The following KIAA0232 variants were observed in gnomAD, a reference collection of about 807,000 sequenced individuals.
KIAA0232 encodes the protein uncharacterized protein KIAA0232.
A neutral mutation model predicts 122.0 loss-of-function variants in KIAA0232; 27 were observed. The ratio of observed to expected loss-of-function variants is 0.22; its 90% CI spans 0.16 to 0.31. The LOEUF is 0.31. Ranked by LOEUF, KIAA0232 falls within the 10% of genes least tolerant of loss-of-function variation. The pLI, the probability that KIAA0232 is intolerant of heterozygous loss-of-function variation, is 1.00. For missense variants in KIAA0232, 1,551 were observed against 1,634.2 expected (o/e 0.95, Z 0.88); for synonymous variants, 613 against 587.6 (o/e 1.04, Z -0.63).
chr4:6,866,256 G>A (rs147258556), intron 7 of KIAA0232: 3 of 981,866 alleles, frequency 3.1e-6, no homozygotes, highest in African/African-American at 1.7e-5. Context: ...ATATTCCTTC[G>A]CTTTCTAGTA....
intron 2 of KIAA0232, among the ~76,000 whole-genome samples, chr4:6,816,288 G>GTTT (rs11389688): frequency 7.0e-6 from 1 of 142,622 alleles, no homozygotes; most frequent in Non-Finnish European, 1.5e-5. Flanking sequence ...TCTTTTTTTT[G>GTTT]TTTTTTTTTT....
chr4:6,841,885 T>C (rs1319232229), intron 3 of KIAA0232, among the ~76,000 whole-genome samples, 182 bp from the exon 4 acceptor site: 4 of 152,206 alleles, frequency 2.6e-5, no homozygotes, highest in Non-Finnish European at 4.4e-5. Flanking sequence ...CAAGTTGTTT[T>C]ATAGAATCAA....
intron 3 of KIAA0232, 96 bp from the exon 4 acceptor site, chr4:6,841,971 C>G: frequency 7.2e-7 from 1 of 1,384,146 alleles, no homozygotes; most frequent in Non-Finnish European, 9.9e-7. Flanking sequence ...TATGGAAATG[C>G]AAGGGGCCTT....
chr4:6,849,720 T>C (rs1720172195), intron 4 of KIAA0232, among the ~76,000 whole-genome samples: 1 of 150,126 alleles, frequency 6.7e-6, no homozygotes, highest in Non-Finnish European at 1.5e-5. Context: ...GGAGCCAAGA[T>C]CACGCCACTG....
In KIAA0232 at chr4:6,808,539, G is replaced by A. The variant is rs945252887; in HGVS notation, c.-270+3933G>A. Among the ~76,000 whole-genome samples, 6 of 150,566 alleles carry A rather than the reference G, an allele frequency of 4.0e-5. 1 individual carries two copies. The highest frequency in any genetic ancestry group is 4.3e-4 in the South Asian group (2 of 4,692). On this transcript the variant is annotated intron_variant, in intron 2 of 9. Transcript: ENST00000307659. ...GAGTACAAGTTGCTTTACATAAGGCGAAAGCCTGCTAATACAGGATGGTAA... is the reference window on the plus strand; with the variant it reads ...GAGTACAAGTTGCTTTACATAAGGCAAAAGCCTGCTAATACAGGATGGTAA...
intron 8 of KIAA0232, 110 bp from the exon 9 acceptor site, chr4:6,876,550 C>G (rs1264200478): frequency 2.6e-6 from 2 of 761,978 alleles, no homozygotes; most frequent in Non-Finnish European, 2.2e-6. Context: ...GGAGACCTAA[C>G]TGATGTAGCT....
chr4:6,847,781 CT>C (rs1486364846), intron 4 of KIAA0232, among the ~76,000 whole-genome samples: 1 of 151,758 alleles, frequency 6.6e-6, no homozygotes, highest in East Asian at 1.9e-4. Flanking sequence ...CCTAAGCTGT[CT>C]GTTTCATTCC....
At chr4:6,872,671 TC>T (rs1721554553) in intron 8 of KIAA0232, among the ~76,000 whole-genome samples, 1 of 152,190 alleles carries the variant, frequency 6.6e-6, no homozygotes, top group Non-Finnish European at 1.5e-5. Context: ...CCTGTCAGAG[TC>T]CCGAAGGGGT....
At chr4:6,812,094 G>C (rs1267534861) in intron 2 of KIAA0232, among the ~76,000 whole-genome samples, 2 of 152,166 alleles carry the variant, frequency 1.3e-5, no homozygotes, top group African/African-American at 4.8e-5. Context: ...CAGAGTAGCT[G>C]TGATTAGTAG....
chr4:6,851,056 A>T (rs1720256112), intron 4 of KIAA0232, among the ~76,000 whole-genome samples: 1 of 152,198 alleles, frequency 6.6e-6, no homozygotes, highest in Non-Finnish European at 1.5e-5. Context: ...CCTTGACTGA[A>T]GTCAGTGTTT....
Position 6,818,640 on chromosome 4 carries a change from C to T in KIAA0232, c.-269-5545C>T, listed in dbSNP as rs76839311. Among the ~76,000 whole-genome samples, 466 of 151,802 alleles carry T rather than the reference C, an allele frequency of 3.1e-3. 3 individuals are homozygous for T. The highest frequency in any genetic ancestry group is 0.011 in the African/African-American group (445 of 41,380). On this transcript the variant is annotated intron_variant, in intron 2 of 9. Transcript: ENST00000307659. ...AATTGATATCATTACAATGGCCATACAGCCCAAAGCAGTCTACATATTCAA... is the reference window on the plus strand; with the variant it reads ...AATTGATATCATTACAATGGCCATATAGCCCAAAGCAGTCTACATATTCAA...
In KIAA0232 at chr4:6,858,497, A is replaced by C; in HGVS notation, c.509A>C (p.Gln170Pro). ...EAELSPPAKDQVEMYYEAFPP... is the reference protein window; with the variant it reads ...EAELSPPAKDPVEMYYEAFPP... ...GAATTATCCCCTCCAGCAAAGGATC[A>C]AGTGGAAATGTATGTAAGATTGTAT... Residue 170 changes from glutamine to proline, a missense_variant, in exon 6 of 10, where the codon CAA becomes CCA. Physicochemically the swap from Gln to Pro is moderately conservative, Grantham distance 76. Coordinates refer to ENST00000307659, the MANE Select transcript of KIAA0232 (RefSeq NM_014743.3). The C allele has an allele frequency of 4.4e-6, 7 of 1,603,022 alleles. No individual in the cohort carries two copies. Among genetic ancestry groups the C allele is most frequent in the Non-Finnish European group, 6.0e-6 (7 of 1,173,080 alleles).
intron 1 of KIAA0232, among the ~76,000 whole-genome samples, chr4:6,798,763 G>A (rs1173206828): frequency 3.9e-5 from 6 of 152,072 alleles, no homozygotes; most frequent in Non-Finnish European, 4.4e-5. Flanking sequence ...TGTTGTCCAG[G>A]CTGGTCTCAA....
intron 3 of KIAA0232, among the ~76,000 whole-genome samples, chr4:6,825,058 G>A (rs868453099): frequency 7.4e-4 from 113 of 152,100 alleles, no homozygotes; most frequent in African/African-American, 1.7e-3. Flanking sequence ...TAAACATTGC[G>A]TCTATTATAC....
intron 6 of KIAA0232, among the ~76,000 whole-genome samples, chr4:6,859,304 T>C (rs1312063777): frequency 2.0e-5 from 3 of 152,124 alleles, no homozygotes; most frequent in South Asian, 4.1e-4. Context: ...TTCCCTATTA[T>C]ACATTTTATT....
chr4:6,876,783 C>A, intron 9 of KIAA0232, 26 bp downstream of exon 9: 1 of 1,490,056 alleles, frequency 6.7e-7, no homozygotes, highest in South Asian at 1.1e-5. Context: ...TCCTCCTCGT[C>A]ATTAACTTAC....
At chr4:6,879,629 G>A (rs1721946491) in intron 9 of KIAA0232, among the ~76,000 whole-genome samples, 1 of 152,182 alleles carries the variant, frequency 6.6e-6, no homozygotes, top group East Asian at 1.9e-4. Context: ...GGCAGGGTGA[G>A]GGGAGCTTTG....
At chr4:6,832,813 G>T (rs531908268) in intron 3 of KIAA0232, among the ~76,000 whole-genome samples, 5 of 152,178 alleles carry the variant, frequency 3.3e-5, no homozygotes, top group African/African-American at 7.2e-5. Flanking sequence ...CTAGGAGTGG[G>T]TGTAGACCCC....
chr4:6,825,197 G>C (rs562229103), intron 3 of KIAA0232, among the ~76,000 whole-genome samples: 1 of 152,132 alleles, frequency 6.6e-6, no homozygotes, highest in Non-Finnish European at 1.5e-5. Flanking sequence ...TATAAGTCAG[G>C]ATGTGTCACC....
Sources: gnomAD v4.1 joint callset for allele counts (sites outside exome capture counted in the v4.1 genomes callset) on GRCh38, gnomAD v4.1.1 for gene constraint, MANE v1.5 for transcripts, NCBI Gene and HGNC (gene_info 2026-07-23, HGNC 2026-07-21) for gene names.